The following CACNA2D3 variants were observed in gnomAD, a reference collection of about 807,000 sequenced individuals.
CACNA2D3 encodes the protein voltage-dependent calcium channel subunit alpha-2/delta-3.
Under a neutral mutation model 160.6 loss-of-function variants are expected in CACNA2D3, and 60 were observed. That is an observed-to-expected ratio of 0.37 (90% CI 0.30 to 0.46). CACNA2D3 has a LOEUF of 0.46. Ranked by LOEUF, CACNA2D3 falls within the 20% of genes least tolerant of loss-of-function variation. The pLI is 1.00. For missense variants in CACNA2D3, 1,205 were observed against 1,365.0 expected, an observed-to-expected ratio of 0.88 and a Z score of 1.85; for synonymous variants, 558 against 492.9, an observed-to-expected ratio of 1.13 and a Z score of -1.75.
rs146184384 is a variant in CACNA2D3, at chr3:54,947,976, A to C, written c.2450-20474A>C. On this transcript the variant is annotated intron_variant, in intron 27 of 37. Coordinates refer to ENST00000474759, the MANE Select transcript of CACNA2D3 (RefSeq NM_018398.3). The stretch of plus-strand genomic sequence containing the variant: ...ATCTAGCACCAGCTCCTTATTGGCA[A>C]ATGCTAATCTGGAACCACAGATGGG... 2.0e-5 allele frequency among the ~76,000 whole-genome samples: 3 copies of C among 152,242 alleles called. No homozygotes were observed. In the East Asian group the frequency reaches 5.8e-4, roughly 29 times the overall value.
chr3:55,000,324 G>A (rs1289306971), intron 31 of CACNA2D3, among the ~76,000 whole-genome samples: 1 of 152,188 alleles, frequency 6.6e-6, no homozygotes. Flanking sequence ...AGCTGTCCAA[G>A]TGTGGAGAAG....
intron 11 of CACNA2D3, among the ~76,000 whole-genome samples, chr3:54,645,767 AG>A (rs1182538792): frequency 2.6e-5 from 4 of 152,156 alleles, no homozygotes; most frequent in Non-Finnish European, 5.9e-5. Context: ...AACTGTCTTA[AG>A]GAAGTATAGC....
intron 35 of CACNA2D3, among the ~76,000 whole-genome samples, chr3:55,029,701 C>T (rs1277186499): frequency 1.3e-5 from 2 of 152,220 alleles, no homozygotes; most frequent in Non-Finnish European, 2.9e-5. Context: ...ACATACTCAA[C>T]AGTGACCAGA....
intron 11 of CACNA2D3, among the ~76,000 whole-genome samples, chr3:54,738,598 T>C (rs991040800): frequency 6.6e-6 from 1 of 152,326 alleles, no homozygotes; most frequent in Admixed American, 6.5e-5. Flanking sequence ...TCTTTTAAAA[T>C]ACATTGTTCC....
In CACNA2D3 at chr3:54,527,336, T is replaced by C. The variant is rs909547681; in HGVS notation, c.544+23682T>C. Reference sequence around the variant, plus strand: ...TCATTTGGGAAGAAATTTCAAACTATTTGTTTTATGGCCTGCTTTCTCCCA... The same window carrying C: ...TCATTTGGGAAGAAATTTCAAACTACTTGTTTTATGGCCTGCTTTCTCCCA... On this transcript the variant is annotated intron_variant, in intron 5 of 37. Transcript: ENST00000474759. 9.6e-4 allele frequency among the ~76,000 whole-genome samples: 146 copies of C among 152,318 alleles called. 2 individuals carry two copies. Among genetic ancestry groups the C allele is most frequent in the Non-Finnish European group, 3.7e-4 (25 of 68,038 alleles).
At chr3:55,038,864 C>CTA (rs10576329) in intron 35 of CACNA2D3, among the ~76,000 whole-genome samples, 1,562 of 98,790 alleles carry the variant, frequency 0.016, 11 homozygotes, top group Non-Finnish European at 0.022. Context: ...AGCCAGGATG[C>CTA]TATATATATA....
chr3:54,640,423 T>C (rs996122242), intron 10 of CACNA2D3, among the ~76,000 whole-genome samples: 6 of 152,210 alleles, frequency 3.9e-5, no homozygotes, highest in African/African-American at 1.4e-4. Flanking sequence ...GACATGGTAT[T>C]ACTTTCAATT....
chr3:54,537,027 A>G (rs1047211684), intron 5 of CACNA2D3, among the ~76,000 whole-genome samples: 5 of 152,066 alleles, frequency 3.3e-5, no homozygotes, highest in Admixed American at 1.3e-4. Context: ...GTCAATAACA[A>G]TGACTCTCTC....
At chr3:54,947,136 C>T (rs1701636018) in intron 27 of CACNA2D3, among the ~76,000 whole-genome samples, 2 of 152,296 alleles carry the variant, frequency 1.3e-5, no homozygotes, top group South Asian at 4.1e-4. Flanking sequence ...AGACACTGTG[C>T]TTGATCCAGT....
At chr3:54,805,043 T>G (rs1385960688) in intron 13 of CACNA2D3, among the ~76,000 whole-genome samples, 1 of 152,138 alleles carries the variant, frequency 6.6e-6, no homozygotes, top group Non-Finnish European at 1.5e-5. Flanking sequence ...GTGGGACACA[T>G]TCAAAGCAGT....
At chr3:54,285,711 G>A (rs113638603) in intron 2 of CACNA2D3, among the ~76,000 whole-genome samples, 3,153 of 152,236 alleles carry the variant, frequency 0.021, 104 homozygotes, top group African/African-American at 0.071. Context: ...TCACACGGCC[G>A]GGAACTCCTC....
chr3:55,025,006 A>G (rs372098766), intron 35 of CACNA2D3, among the ~76,000 whole-genome samples: 2 of 152,194 alleles, frequency 1.3e-5, no homozygotes, highest in Admixed American at 6.5e-5. Flanking sequence ...CTCAGTCATC[A>G]TAACTACAAA....
At chr3:54,805,280 A>T (rs1703091995) in intron 13 of CACNA2D3, among the ~76,000 whole-genome samples, 1 of 152,212 alleles carries the variant, frequency 6.6e-6, no homozygotes. Flanking sequence ...TTTTGAAAGG[A>T]TCAACAATAT....
chr3:54,217,070 C>G, intron 2 of CACNA2D3, among the ~76,000 whole-genome samples: 1 of 152,118 alleles, frequency 6.6e-6, no homozygotes, highest in East Asian at 1.9e-4. Flanking sequence ...GCCCACGGGA[C>G]TGAGAGATAG....
chr3:54,739,971 T>C (rs1023022056), intron 11 of CACNA2D3, among the ~76,000 whole-genome samples: 3 of 152,092 alleles, frequency 2.0e-5, no homozygotes, highest in African/African-American at 4.8e-5. Flanking sequence ...TTCCTCCCCA[T>C]TGTGCCTCCA....
chr3:54,763,625 T>C (rs1159971960), intron 12 of CACNA2D3, among the ~76,000 whole-genome samples: 2 of 144,744 alleles, frequency 1.4e-5, no homozygotes, highest in Admixed American at 7.0e-5. Flanking sequence ...TGTAAACATA[T>C]ACTGTGTGTG....
chr3:54,224,766 G>A (rs1389563833), intron 2 of CACNA2D3, among the ~76,000 whole-genome samples: 1 of 151,878 alleles, frequency 6.6e-6, no homozygotes, highest in Non-Finnish European at 1.5e-5. Flanking sequence ...CATACAAAGT[G>A]TGTTTAGATT....
At chr3:55,044,924 T>A (rs1315605459) in intron 35 of CACNA2D3, among the ~76,000 whole-genome samples, 2 of 152,192 alleles carry the variant, frequency 1.3e-5, no homozygotes, top group African/African-American at 4.8e-5. Context: ...CTTGAACTGG[T>A]CTTGGATTCT....
chr3:54,137,995 A>C (rs1454895842), intron 2 of CACNA2D3, among the ~76,000 whole-genome samples: 1 of 152,200 alleles, frequency 6.6e-6, no homozygotes, highest in Non-Finnish European at 1.5e-5. Context: ...GTGATAGCTA[A>C]TGCTTATGAG....
Sources: allele counts gnomAD v4.1 joint callset (sites outside exome capture counted in the v4.1 genomes callset), GRCh38; gene constraint gnomAD v4.1.1; transcripts MANE v1.5; gene names NCBI Gene and HGNC (gene_info 2026-07-23, HGNC 2026-07-21).